The following RBFOX1 variants were observed in gnomAD, a reference collection of about 807,000 sequenced individuals.
The protein encoded by RBFOX1 is RNA binding protein fox-1 homolog 1.
RBFOX1 carries 8 observed loss-of-function variants against 57.7 expected under a neutral mutation model. The ratio of observed to expected loss-of-function variants is 0.14; its 90% CI spans 0.08 to 0.25. The LOEUF is 0.25. RBFOX1 is among the 10% of genes least tolerant of loss of function. The pLI is 1.00. For synonymous variants in RBFOX1, 326 were observed against 222.4 expected, an observed-to-expected ratio of 1.47 and a Z score of -4.15; for missense variants, 611 against 548.5, an observed-to-expected ratio of 1.11 and a Z score of -1.14.
chr16:5,717,832 T>C (rs1474640934), intron 3 of RBFOX1, among the ~76,000 whole-genome samples: 2 of 152,206 alleles, frequency 1.3e-5, no homozygotes, highest in African/African-American at 2.4e-5. Context: ...ACAACCACTA[T>C]GTCAGATAGA....
chr16:7,045,673 G>T (rs532953589), intron 3 of RBFOX1, among the ~76,000 whole-genome samples: 2 of 151,648 alleles, frequency 1.3e-5, no homozygotes, highest in Non-Finnish European at 2.9e-5. Flanking sequence ...TCAATAGAGC[G>T]AGACATTGTC....
intron 3 of RBFOX1, among the ~76,000 whole-genome samples, chr16:6,787,557 T>G (rs1208169960): frequency 6.6e-6 from 1 of 152,146 alleles, no homozygotes; most frequent in Non-Finnish European, 1.5e-5. Context: ...TTGTGCCAAT[T>G]CCAGATTTAG....
At chr16:7,292,870 C>G (rs1012029198) in intron 4 of RBFOX1, among the ~76,000 whole-genome samples, 1 of 152,050 alleles carries the variant, frequency 6.6e-6, no homozygotes, top group Non-Finnish European at 1.5e-5. Context: ...TGATACAAAG[C>G]TGGATAAGAG....
At chr16:5,424,931 CTTT>C (rs2067486226) in intron 1 of RBFOX1, among the ~76,000 whole-genome samples, 1 of 83,780 alleles carries the variant, frequency 1.2e-5, no homozygotes, top group Non-Finnish European at 2.4e-5. Context: ...TTCTTTCTTT[CTTT>C]CTCTCTCTTC....
At chr16:7,319,648 T>A (rs2096508789) in intron 4 of RBFOX1, among the ~76,000 whole-genome samples, 1 of 152,188 alleles carries the variant, frequency 6.6e-6, no homozygotes. Context: ...ATTTAGAATG[T>A]GGGCACCTGA....
At chr16:7,005,876 T>A (rs1034432027) in intron 3 of RBFOX1, among the ~76,000 whole-genome samples, 1 of 152,160 alleles carries the variant, frequency 6.6e-6, no homozygotes, top group Non-Finnish European at 1.5e-5. Flanking sequence ...TCCCTTCTTC[T>A]GGATAAGAAC....
rs78014145 is a variant in RBFOX1 at position 6,647,025 on chromosome 16, C to G, written c.-63-7578C>G. On this transcript the variant is annotated intron_variant, in intron 2 of 15. Transcript: ENST00000550418. Reference sequence around the variant, plus strand: ...TGCCATAGACTGGATAGCTTCTGAACAGAACATTTACTTTGTCATAGTTCT... The same window carrying G: ...TGCCATAGACTGGATAGCTTCTGAAGAGAACATTTACTTTGTCATAGTTCT... Among the ~76,000 whole-genome samples the G allele has an allele frequency of 3.9e-3, 601 of 152,272 alleles. 6 individuals carry two copies. The highest frequency in any genetic ancestry group is 0.014 in the African/African-American group (572 of 41,566).
chr16:6,169,235 A>G (rs1309858549), intron 1 of RBFOX1, among the ~76,000 whole-genome samples: 2 of 152,160 alleles, frequency 1.3e-5, no homozygotes, highest in African/African-American at 4.8e-5. Flanking sequence ...AAGCAAGAGT[A>G]GAACTCGGCA....
intron 4 of RBFOX1, among the ~76,000 whole-genome samples, chr16:7,501,844 C>G (rs2070997911): frequency 6.6e-6 from 1 of 152,148 alleles, no homozygotes. Context: ...CTGTAAATCT[C>G]TAGGCTATTC....
intron 14 of RBFOX1, among the ~76,000 whole-genome samples, chr16:7,689,603 G>A (rs758589207): frequency 6.6e-6 from 1 of 152,054 alleles, no homozygotes; most frequent in Non-Finnish European, 1.5e-5. Context: ...GAGCACTCTA[G>A]GCATTCTTAT....
At chr16:7,385,332 G>A (rs990443657) in intron 4 of RBFOX1, among the ~76,000 whole-genome samples, 1 of 152,180 alleles carries the variant, frequency 6.6e-6, no homozygotes, top group East Asian at 1.9e-4. Context: ...GTTTGAACTG[G>A]AAGGTGGTTC....
At chr16:6,919,984 C>T (rs529297233) in intron 3 of RBFOX1, among the ~76,000 whole-genome samples, 17 of 151,986 alleles carry the variant, frequency 1.1e-4, no homozygotes, top group African/African-American at 3.9e-4. Flanking sequence ...CATTCTTGCC[C>T]CTTTGCATCC....
intron 4 of RBFOX1, among the ~76,000 whole-genome samples, chr16:7,513,263 C>CA (rs1352602214): frequency 2.5e-5 from 1 of 40,324 alleles, no homozygotes; most frequent in Admixed American, 1.9e-4. Context: ...AACTCTGTGT[C>CA]AAAAAAATAA....
chr16:6,507,131 C>A (rs1043265680), intron 2 of RBFOX1, among the ~76,000 whole-genome samples: 1 of 152,156 alleles, frequency 6.6e-6, no homozygotes, highest in African/African-American at 2.4e-5. Context: ...CCTCAGCCTT[C>A]TGAGCCAGCA....
intron 4 of RBFOX1, among the ~76,000 whole-genome samples, chr16:7,406,853 C>T (rs757883833): frequency 6.6e-6 from 1 of 152,292 alleles, no homozygotes; most frequent in South Asian, 2.1e-4. Context: ...AGTCCATTTC[C>T]TTGCATTTTC....
At chr16:7,151,532 C>T (rs2076106206) in intron 4 of RBFOX1, among the ~76,000 whole-genome samples, 1 of 152,148 alleles carries the variant, frequency 6.6e-6, no homozygotes, top group Non-Finnish European at 1.5e-5. Flanking sequence ...TAGACCAGCA[C>T]TCCCCAACCT....
intron 5 of RBFOX1, among the ~76,000 whole-genome samples, chr16:7,542,000 C>G (rs2083084905): frequency 6.6e-6 from 1 of 152,196 alleles, no homozygotes; most frequent in Admixed American, 6.5e-5. Context: ...TGGCCGGCAG[C>G]TGAGGTTTTC....
At chr16:6,744,480 A>G (rs542346772) in intron 3 of RBFOX1, among the ~76,000 whole-genome samples, 1 of 152,266 alleles carries the variant, frequency 6.6e-6, no homozygotes, top group African/African-American at 2.4e-5. Flanking sequence ...TAAATTTAAG[A>G]GAATTGAAGT....
chr16:5,745,863 A>G (rs1275824574), intron 3 of RBFOX1, among the ~76,000 whole-genome samples: 1 of 152,178 alleles, frequency 6.6e-6, no homozygotes. Context: ...AGTAGATTGC[A>G]AAAATTTTCT....
Sources: gnomAD v4.1 joint callset for allele counts (sites outside exome capture counted in the v4.1 genomes callset) on GRCh38, gnomAD v4.1.1 for gene constraint, MANE v1.5 for transcripts, NCBI Gene and HGNC (gene_info 2026-07-23, HGNC 2026-07-21) for gene names.